The following UBE2K variants were observed in gnomAD, a reference collection of about 807,000 sequenced individuals.
UBE2K encodes the protein ubiquitin-conjugating enzyme E2 K.
UBE2K carries 6 observed loss-of-function variants against 30.0 expected under a neutral mutation model. The ratio of observed to expected loss-of-function variants is 0.20; its 90% CI spans 0.11 to 0.39. The LOEUF is 0.39. Among genes scored for constraint, UBE2K ranks in the 10% least tolerant of loss-of-function variants. The probability of loss-of-function intolerance (pLI) is 1.00; values close to 1 mark genes in which losing one functional copy is unlikely to be tolerated. For missense variants in UBE2K, 61 were observed against 241.6 expected, an observed-to-expected ratio of 0.25 and a Z score of 4.96; for synonymous variants, 86 against 83.7, an observed-to-expected ratio of 1.03 and a Z score of -0.15.
chr4:39,767,463 A>G (rs1712420884), intron 4 of UBE2K, among the ~76,000 whole-genome samples: 1 of 151,966 alleles, frequency 6.6e-6, no homozygotes, highest in Admixed American at 6.6e-5. Context: ...AGCTGGGACT[A>G]CAGGCGCCTG....
In UBE2K at chr4:39,751,875, G is replaced by A. The variant is rs1231704898; in HGVS notation, c.217-3782G>A. Among the ~76,000 whole-genome samples, 3 of 152,228 alleles carry A rather than the reference G, an allele frequency of 2.0e-5. No homozygotes were observed. In the East Asian group the frequency reaches 5.8e-4, roughly 29 times the overall value. ...CCAGCTACTGGGGAGACTGAGGCGG[G>A]AGAGTCACTTCGGCCCGGGAGACAG... On this transcript the variant is annotated intron_variant, in intron 3 of 6. Coordinates refer to ENST00000261427, the MANE Select transcript of UBE2K (RefSeq NM_005339.5).
At chr4:39,725,291 G>A (rs1471059950) in intron 1 of UBE2K, among the ~76,000 whole-genome samples, 1 of 146,996 alleles carries the variant, frequency 6.8e-6, no homozygotes, top group African/African-American at 2.5e-5. Context: ...GCTGAGGTAG[G>A]ATCATCTGAA....
intron 4 of UBE2K, among the ~76,000 whole-genome samples, chr4:39,757,713 G>A (rs963613968): frequency 6.6e-6 from 1 of 152,046 alleles, no homozygotes; most frequent in African/African-American, 2.4e-5. Flanking sequence ...TTAGGTTATC[G>A]CCAAGGCCTC....
chr4:39,736,281 C>T (rs1720375211), intron 1 of UBE2K, among the ~76,000 whole-genome samples: 2 of 151,978 alleles, frequency 1.3e-5, no homozygotes, highest in South Asian at 2.1e-4. Context: ...GCCAACGTGG[C>T]GAAACCCCGT....
At chr4:39,749,754 T>C (rs1023241230) in intron 3 of UBE2K, among the ~76,000 whole-genome samples, 2 of 152,226 alleles carry the variant, frequency 1.3e-5, no homozygotes, top group Non-Finnish European at 1.5e-5. Flanking sequence ...ACATGTTAAG[T>C]TGTATATACA....
chr4:39,768,706 T>G (rs1052599327), intron 4 of UBE2K, among the ~76,000 whole-genome samples: 7 of 152,144 alleles, frequency 4.6e-5, no homozygotes, highest in Non-Finnish European at 1.0e-4. Flanking sequence ...TTGAGGAAAC[T>G]CCATACTGTT....
chr4:39,715,602 G>T (rs914287503), intron 1 of UBE2K, among the ~76,000 whole-genome samples: 1 of 152,162 alleles, frequency 6.6e-6, no homozygotes, highest in East Asian at 1.9e-4. Flanking sequence ...CACCCACCGT[G>T]CCTGGCCCTG....
chr4:39,770,561 C>A, intron 4 of UBE2K: 1 of 1,589,834 alleles, frequency 6.3e-7, no homozygotes, highest in Non-Finnish European at 8.5e-7. Context: ...CTGCTTCCAC[C>A]AGGCCCGAGG....
chr4:39,738,757 A>G (rs912831018), intron 2 of UBE2K, among the ~76,000 whole-genome samples: 4 of 152,064 alleles, frequency 2.6e-5, no homozygotes, highest in African/African-American at 9.7e-5. Flanking sequence ...GGCTCACTGC[A>G]TCCTCCATCT....
At chr4:39,766,917 A>G (rs374160851) in intron 4 of UBE2K, among the ~76,000 whole-genome samples, 2 of 151,562 alleles carry the variant, frequency 1.3e-5, no homozygotes, top group African/African-American at 4.9e-5. Context: ...ATGCCTGGCT[A>G]ATTTTGTGTT....
intron 4 of UBE2K, 131 bp downstream of exon 4, chr4:39,755,870 T>A: frequency 1.7e-6 from 1 of 605,502 alleles, no homozygotes; most frequent in Non-Finnish European, 2.8e-6. Context: ...AAAAGTCTCT[T>A]AAGTGCATAA....
At chr4:39,774,517 G>A (rs1239856945) in intron 4 of UBE2K, among the ~76,000 whole-genome samples, 2 of 151,864 alleles carry the variant, frequency 1.3e-5, no homozygotes, top group Non-Finnish European at 1.5e-5. Context: ...GAAGGCTGAG[G>A]CAGGAGAATG....
At chr4:39,746,054 AAT>A (rs1720972690) in intron 3 of UBE2K, among the ~76,000 whole-genome samples, 1 of 152,028 alleles carries the variant, frequency 6.6e-6, no homozygotes, top group Non-Finnish European at 1.5e-5. Context: ...TACATCTGAC[AAT>A]GGCTCATATA....
At chr4:39,773,608 A>G (rs1713070096) in intron 4 of UBE2K, among the ~76,000 whole-genome samples, 1 of 151,896 alleles carries the variant, frequency 6.6e-6, no homozygotes, top group East Asian at 1.9e-4. Context: ...TGGATAGAAA[A>G]ATAAGTGAGT....
chr4:39,701,408 G>T (rs1718003551), intron 1 of UBE2K, among the ~76,000 whole-genome samples: 1 of 152,158 alleles, frequency 6.6e-6, no homozygotes, highest in African/African-American at 2.4e-5. Context: ...GCCATTTGTA[G>T]AATGGCTAGT....
chr4:39,771,192 G>T, intron 4 of UBE2K: 1 of 1,612,954 alleles, frequency 6.2e-7, no homozygotes, highest in Non-Finnish European at 8.5e-7. Flanking sequence ...GAAGCAGGTC[G>T]GCCACGATGC....
intron 1 of UBE2K, among the ~76,000 whole-genome samples, chr4:39,735,859 A>C (rs929752073): frequency 6.6e-6 from 1 of 152,214 alleles, no homozygotes; most frequent in African/African-American, 2.4e-5. Context: ...CTAATTAGAA[A>C]GTAAGTTTTT....
chr4:39,776,709 A>G (rs1195097513), intron 5 of UBE2K, among the ~76,000 whole-genome samples: 1 of 152,070 alleles, frequency 6.6e-6, no homozygotes, highest in African/African-American at 2.4e-5. Context: ...GTTTATGTAT[A>G]TATGTATATA....
chr4:39,751,556 G>A (rs1373581656), intron 3 of UBE2K, among the ~76,000 whole-genome samples: 1 of 152,168 alleles, frequency 6.6e-6, no homozygotes, highest in African/African-American at 2.4e-5. Context: ...GCGCACGCCT[G>A]TAGTCCCAAC....
Sources: gnomAD v4.1 joint callset for allele counts (sites outside exome capture counted in the v4.1 genomes callset) on GRCh38, gnomAD v4.1.1 for gene constraint, MANE v1.5 for transcripts, NCBI Gene and HGNC (gene_info 2026-07-23, HGNC 2026-07-21) for gene names.